The following ACSL1 variants were observed in gnomAD, a reference collection of about 807,000 sequenced individuals.
ACSL1 encodes the protein acyl-CoA synthetase long chain family member 1, also known as long-chain-fatty-acid--CoA ligase 1.
A neutral mutation model predicts 98.4 loss-of-function variants in ACSL1; 41 were observed. The ratio of observed to expected loss-of-function variants is 0.42; its 90% CI spans 0.32 to 0.54. The LOEUF (loss-of-function observed/expected upper bound fraction) is 0.54. Among genes scored for constraint, ACSL1 ranks in the 20% least tolerant of loss-of-function variants. ACSL1 has a pLI of 0.13. For missense variants in ACSL1, 734 were observed against 883.1 expected (o/e 0.83, Z 2.14); for synonymous variants, 316 against 322.7 (o/e 0.98, Z 0.22).
intron 2 of ACSL1, among the ~76,000 whole-genome samples, chr4:184,797,585 G>A (rs1335158573): frequency 1.3e-5 from 2 of 152,172 alleles, no homozygotes; most frequent in South Asian, 2.1e-4. Flanking sequence ...TGTAAACCAT[G>A]CTGTTGATTG....
rs116597676 is a variant in ACSL1, at chr4:184,770,809, C to A, written c.916-333G>T. On this transcript the variant is annotated intron_variant, in intron 10 of 20. Coordinates refer to ENST00000281455, the MANE Select transcript of ACSL1 (RefSeq NM_001995.5). ...AGAAACGGCTTTTGCTTATGGTCTG[C>A]AATTTCTTCTCACCAAAGAATAAAA... Among the ~76,000 whole-genome samples the A allele has an allele frequency of 5.7e-3, 873 of 152,258 alleles. 9 individuals are homozygous for A. Among genetic ancestry groups the A allele is most frequent in the African/African-American group, 0.02 (837 of 41,550 alleles).
intron 18 of ACSL1, chr4:184,758,229 T>A: frequency 3.5e-6 from 1 of 284,334 alleles, no homozygotes; most frequent in South Asian, 5.8e-5. Context: ...CAGGGTCAAG[T>A]AAACAAGGTG....
At chr4:184,815,846 T>C (rs1579968263) in intron 1 of ACSL1, among the ~76,000 whole-genome samples, 1 of 151,946 alleles carries the variant, frequency 6.6e-6, no homozygotes. Context: ...TGAGGCCAGG[T>C]TTACAGGTTC....
At chr4:184,764,947 CATT>C (rs558138393) in intron 14 of ACSL1, 22 bp from the exon 15 acceptor site, 1,146 of 1,611,212 alleles carry the variant, frequency 7.1e-4, no homozygotes, top group Non-Finnish European at 9.0e-4. Context: ...AGAGATGCAA[CATT>C]ATTAAGGAGA....
chr4:184,770,310 C>A (rs1312297731), intron 11 of ACSL1, 89 bp downstream of exon 11: 1 of 1,570,146 alleles, frequency 6.4e-7, no homozygotes, highest in South Asian at 1.2e-5. Flanking sequence ...GTGTGTGTCA[C>A]TGGCACTCAA....
In ACSL1 at chr4:184,773,576, G is replaced by T; in HGVS notation, c.841+87C>A. 7.7e-7 allele frequency: 1 copy of T among 1,296,312 alleles called. No homozygotes were observed. Among genetic ancestry groups the T allele is most frequent in the Non-Finnish European group, 1.1e-6 (1 of 932,094 alleles). 80.3% of individuals were successfully genotyped at this position (1,296,312 alleles called of 1,614,324 possible). On this transcript the variant is annotated intron_variant, in intron 9 of 20. Transcript: ENST00000281455. The surrounding 1 kb of genome is among the most constrained non-coding windows in gnomAD (Gnocchi z 4.3). ...CTCTTCTGCTTTTGGTCCGTCTACT[G>T]TTAGCTGATAAGTCATCCAAAAGAG... is the stretch of plus-strand genomic sequence containing the variant.
intron 3 of ACSL1, among the ~76,000 whole-genome samples, chr4:184,786,521 C>G (rs964701027): frequency 1.3e-5 from 2 of 151,430 alleles, no homozygotes; most frequent in Admixed American, 6.6e-5. Context: ...ACAGACAAAC[C>G]CTGACCTTGA....
chr4:184,795,530 CTCTT>C (rs573584609), intron 2 of ACSL1, among the ~76,000 whole-genome samples: 38 of 152,284 alleles, frequency 2.5e-4, no homozygotes, highest in African/African-American at 8.7e-4. Flanking sequence ...AACAATCAAC[CTCTT>C]TCTTTCTTTA....
rs1763596153 is a variant in ACSL1, at chr4:184,766,256, A to G, written c.1264-270T>C. Among the ~76,000 whole-genome samples the G allele has an allele frequency of 6.6e-6, 1 of 152,242 alleles. No homozygotes were observed. On this transcript the variant is annotated intron_variant, in intron 13 of 20. Transcript: ENST00000281455. The surrounding 1 kb of genome is among the most constrained non-coding windows in gnomAD (Gnocchi z 4.8). ...AGGGAATTAGAACACAACTGGGCAG[A>G]TCTGTGGCAACTACCACAATTCTGG...
intron 18 of ACSL1, 32 bp downstream of exon 18, chr4:184,760,325 G>A: frequency 6.2e-7 from 1 of 1,611,990 alleles, no homozygotes; most frequent in Non-Finnish European, 8.5e-7. Context: ...CAATGTGTAT[G>A]CAGCAAGATT....
chr4:184,811,315 T>G (rs564517101), intron 1 of ACSL1, among the ~76,000 whole-genome samples: 2 of 151,980 alleles, frequency 1.3e-5, no homozygotes, highest in Non-Finnish European at 2.9e-5. Context: ...GGTTTCACCG[T>G]GTTGGCCAGG....
At chr4:184,795,949 A>T (rs1769282569) in intron 2 of ACSL1, among the ~76,000 whole-genome samples, 1 of 152,242 alleles carries the variant, frequency 6.6e-6, no homozygotes, top group South Asian at 2.1e-4. Context: ...CATCCCAGCT[A>T]TGCTGGTTAA....
Position 184,756,210 on chromosome 4 carries a change from G to A in ACSL1, c.*915C>T, listed in dbSNP as rs1280971899. 2 of 152,582 alleles carry A rather than the reference G, an allele frequency of 1.3e-5. No individual in the cohort carries two copies. Among genetic ancestry groups the A allele is most frequent in the Non-Finnish European group, 2.9e-5 (2 of 68,028 alleles). 9.5% of individuals were successfully genotyped at this position (152,582 alleles called of 1,614,324 possible). A position where few individuals can be genotyped will look rare whatever the true frequency, so the allele number is the denominator to read the frequency against. On this transcript the variant is annotated 3_prime_UTR_variant, in exon 21 of 21. Transcript: ENST00000281455. Reference sequence around the variant, plus strand: ...GATATGAAAACCACATTAAAAATCTGTTGGCCTTTACACAGAGTGAGTGGT... The same window carrying A: ...GATATGAAAACCACATTAAAAATCTATTGGCCTTTACACAGAGTGAGTGGT...
upstream of ACSL1, among the ~76,000 whole-genome samples, chr4:184,826,273 T>C (rs1773487939): frequency 6.6e-6 from 1 of 152,000 alleles, no homozygotes; most frequent in Non-Finnish European, 1.5e-5. Flanking sequence ...ATAATGAATC[T>C]GAGGAAGGAC....
At chr4:184,788,280 A>T in intron 3 of ACSL1, 3 of 391,000 alleles carry the variant, frequency 7.7e-6, no homozygotes, top group South Asian at 6.2e-5. Flanking sequence ...CTCATGGTCA[A>T]GTAAGCATGA....
chr4:184,822,652 T>A (rs1388128236), intron 1 of ACSL1, among the ~76,000 whole-genome samples: 1 of 151,414 alleles, frequency 6.6e-6, no homozygotes, highest in African/African-American at 2.4e-5. Flanking sequence ...AGTGGGAGGA[T>A]CAACTGAGCC....
rs1157438193 is a variant in ACSL1, at chr4:184,756,905, A to G, written c.*220T>C. ...TTACAATTTTTAAGGCTCATTTTGG[A>G]AAGTGTGTATTACCATAAACATGGT... is the stretch of plus-strand genomic sequence containing the variant. On this transcript the variant is annotated 3_prime_UTR_variant, in exon 21 of 21. Transcript: ENST00000281455. 2.2e-6 allele frequency: 1 copy of G among 458,384 alleles called. No individual in the cohort carries two copies. Among genetic ancestry groups the G allele is most frequent in the African/African-American group, 2.0e-5 (1 of 50,792 alleles). 28.4% of individuals were successfully genotyped at this position (458,384 alleles called of 1,614,324 possible).
At chr4:184,816,984 T>C (rs1025640451) in intron 1 of ACSL1, among the ~76,000 whole-genome samples, 1 of 152,138 alleles carries the variant, frequency 6.6e-6, no homozygotes, top group Non-Finnish European at 1.5e-5. Flanking sequence ...ATTGAGGATA[T>C]GCAAGTCAGC....
rs756983203 is a variant in ACSL1, at chr4:184,760,421, A to G, written c.1718T>C (p.Ile573Thr). ...CTCACTTCGCATGTAGATATTTTCA[A>G]TCTTTTCAGGGGCTATGTATTCTCC... ...AQGEYIAPEK[I>T]ENIYMRSEPV... The change falls in exon 18 of 21, where the codon ATT becomes ACT. Residue 573 changes from isoleucine to threonine, a missense_variant. Ile to Thr is a moderately conservative substitution (Grantham distance 89). Transcript: ENST00000281455. The G allele has an allele frequency of 2.1e-5, 34 of 1,614,026 alleles. No individual in the cohort carries two copies. Among genetic ancestry groups the G allele is most frequent in the East Asian group, 1.1e-4 (5 of 44,888 alleles).
Sources: allele counts gnomAD v4.1 joint callset (sites outside exome capture counted in the v4.1 genomes callset), GRCh38; gene constraint gnomAD v4.1.1; non-coding constraint Gnocchi (gnomAD v3.1); transcripts MANE v1.5; gene names NCBI Gene and HGNC (gene_info 2026-07-23, HGNC 2026-07-21).